REPS2: variants seen among roughly 807,000 people sequenced by gnomAD.
The protein encoded by REPS2 is ralBP1-associated Eps domain-containing protein 2.
REPS2 carries 23 observed loss-of-function variants against 53.6 expected under a neutral mutation model. That is an observed-to-expected ratio of 0.43 (90% CI 0.31 to 0.61). REPS2 has a LOEUF of 0.61. Among genes scored for constraint, REPS2 ranks in the 20% least tolerant of loss-of-function variants. REPS2 has a pLI of 0.11. For missense variants in REPS2, 446 were observed against 534.9 expected, an observed-to-expected ratio of 0.83 and a Z score of 1.64; for synonymous variants, 238 against 218.6, an observed-to-expected ratio of 1.09 and a Z score of -0.78.
the REPS2 span, among the ~76,000 whole-genome samples, chrX:17,172,827 C>T: frequency 4.3e-3 from 473 of 111,085 alleles, 3 homozygotes; most frequent in Non-Finnish European, 5.7e-3. Flanking sequence ...CCACTGTTAA[C>T]ACTTGAATAT....
chrX:17,169,083 G>C, the REPS2 span, among the ~76,000 whole-genome samples: 7 of 112,323 alleles, frequency 6.2e-5, no homozygotes, highest in Admixed American at 6.6e-4. Flanking sequence ...AGCTGTCCCA[G>C]CTGAGGAAAC....
chrX:16,955,844 C>G (rs2046628893), intron 1 of REPS2, among the ~76,000 whole-genome samples: 2 of 112,141 alleles, frequency 1.8e-5, no homozygotes, highest in Non-Finnish European at 3.8e-5. Context: ...ACCACACTTG[C>G]TTTCCAGGAT....
At chrX:17,168,436 C>T in the REPS2 span, among the ~76,000 whole-genome samples, 9 of 111,270 alleles carry the variant, frequency 8.1e-5, no homozygotes, top group Non-Finnish European at 1.1e-4. Flanking sequence ...ATCTCTTGTC[C>T]TAGGAGGTGG....
intron 1 of REPS2, among the ~76,000 whole-genome samples, chrX:16,952,754 C>T (rs950508510): frequency 8.9e-6 from 1 of 111,961 alleles, no homozygotes; most frequent in Non-Finnish European, 1.9e-5. Context: ...TTAAATGAAA[C>T]AACTTTATAT....
chrX:17,040,997 C>G (rs2061823081), intron 5 of REPS2, among the ~76,000 whole-genome samples: 1 of 111,680 alleles, frequency 9.0e-6, no homozygotes, highest in African/African-American at 3.3e-5. Flanking sequence ...GCTGCTATAA[C>G]AAATAGGCCC....
intron 2 of REPS2, among the ~76,000 whole-genome samples, chrX:17,007,317 TATCAGGGGGCTAGCTTGTGCCAG>T (rs1271742619): frequency 4.5e-5 from 5 of 112,298 alleles, no homozygotes; most frequent in Non-Finnish European, 9.4e-5. Flanking sequence ...TGCTAATCTT[TATCAGGGGGCTAGCTTGTGCCAG>T]ACACTTTCAT....
chrX:17,063,826 A>G (rs1425958213), intron 9 of REPS2, among the ~76,000 whole-genome samples: 2 of 108,017 alleles, frequency 1.9e-5, no homozygotes, highest in South Asian at 4.0e-4. Flanking sequence ...TGTGTGTGTG[A>G]TGGGCCCCCT....
chrX:17,130,455 A>G (rs2063276962), intron 14 of REPS2, among the ~76,000 whole-genome samples: 1 of 111,626 alleles, frequency 9.0e-6, no homozygotes, highest in African/African-American at 3.3e-5. Context: ...ATTCCCACAC[A>G]TTGCTCTTTT....
intron 1 of REPS2, among the ~76,000 whole-genome samples, chrX:16,971,368 T>G (rs1440035316): frequency 8.9e-6 from 1 of 112,525 alleles, no homozygotes; most frequent in Admixed American, 9.4e-5. Flanking sequence ...TTGTAAGAGT[T>G]CTTTATATAT....
intron 13 of REPS2, chrX:17,099,905 T>C: frequency 1.0e-6 from 1 of 996,836 alleles, no homozygotes; most frequent in Non-Finnish European, 1.4e-6. Context: ...CATCAGAATT[T>C]TTCCCTTTCA....
In REPS2 at chrX:17,100,305, G is replaced by GT. The variant is rs1366898536; in HGVS notation, c.1517-3407dup. Reference sequence around the variant, plus strand: ...ACCTCCTCCACTTTCTTCTTGTTTTGTTTTTTCTCCATAGCGTGTGTGTAA... The same window carrying GT: ...ACCTCCTCCACTTTCTTCTTGTTTTGTTTTTTTCTCCATAGCGTGTGTGTAA... On this transcript the variant is annotated intron_variant, in intron 13 of 17. Coordinates refer to ENST00000357277, the MANE Select transcript of REPS2 (RefSeq NM_004726.3). 19 of 541,646 alleles carry GT rather than the reference G, an allele frequency of 3.5e-5. No individual in the cohort carries two copies. In the East Asian group the frequency reaches 4.9e-4, roughly 14 times the overall value. The allele number at this position is 541,646 out of a possible 1,213,427, so 44.6% of individuals were successfully genotyped here. A position where few individuals can be genotyped will look rare whatever the true frequency, so the allele number is the denominator to read the frequency against.
intron 5 of REPS2, among the ~76,000 whole-genome samples, chrX:17,045,024 G>A (rs2061887123): frequency 1.8e-5 from 2 of 111,484 alleles, no homozygotes; most frequent in African/African-American, 6.5e-5. Flanking sequence ...CCACCTCCCA[G>A]GTTCAAGTGA....
intron 14 of REPS2, among the ~76,000 whole-genome samples, chrX:17,117,910 A>G (rs1232221780): frequency 4.0e-5 from 3 of 74,129 alleles, no homozygotes; most frequent in South Asian, 6.1e-4. Context: ...AAGTGTTCCT[A>G]TTTCTCCACA....
intron 17 of REPS2, among the ~76,000 whole-genome samples, chrX:17,139,599 C>T (rs2063416801): frequency 9.0e-6 from 1 of 111,540 alleles, no homozygotes. Flanking sequence ...ATGATTCTCT[C>T]ACAGCTCTGG....
At chrX:17,041,602 C>T (rs183464269) in intron 5 of REPS2, among the ~76,000 whole-genome samples, 4 of 111,840 alleles carry the variant, frequency 3.6e-5, no homozygotes, top group Non-Finnish European at 5.6e-5. Context: ...ATATTTTTGG[C>T]GGAGGAGGCA....
At chrX:17,061,818 T>C (rs1689260383) in intron 8 of REPS2, among the ~76,000 whole-genome samples, 1 of 112,479 alleles carries the variant, frequency 8.9e-6, no homozygotes, top group Admixed American at 9.4e-5. Context: ...ACTACCGAAA[T>C]AACAGCCAGT....
At chrX:17,164,338 C>T in the REPS2 span, among the ~76,000 whole-genome samples, 1 of 111,491 alleles carries the variant, frequency 9.0e-6, no homozygotes, top group Non-Finnish European at 1.9e-5. Flanking sequence ...AATACATGGT[C>T]TACAAGAGAT....
the REPS2 span, among the ~76,000 whole-genome samples, chrX:17,190,156 C>T: frequency 6.3e-5 from 7 of 110,616 alleles, no homozygotes; most frequent in South Asian, 7.7e-4. Context: ...GACCTTAACA[C>T]GAATATATAA....
chrX:16,995,051 G>A (rs975724662), intron 1 of REPS2, among the ~76,000 whole-genome samples: 4 of 112,373 alleles, frequency 3.6e-5, no homozygotes, highest in Admixed American at 2.8e-4. Context: ...AGCTCAGTTG[G>A]TTACAGCACA....
Sources: allele counts gnomAD v4.1 joint callset (sites outside exome capture counted in the v4.1 genomes callset), GRCh38; gene constraint gnomAD v4.1.1; transcripts MANE v1.5; gene names NCBI Gene and HGNC (gene_info 2026-07-23, HGNC 2026-07-21).